The following AGTPBP1 variants were observed in gnomAD, a reference collection of about 807,000 sequenced individuals.
AGTPBP1 encodes the protein ATP/GTP binding carboxypeptidase 1.
AGTPBP1 carries 70 observed loss-of-function variants against 143.9 expected under a neutral mutation model. The ratio of observed to expected loss-of-function variants is 0.49; its 90% CI spans 0.40 to 0.59. The LOEUF is 0.59. Among genes scored for constraint, AGTPBP1 ranks in the 20% least tolerant of loss-of-function variants. The pLI is 0.00. For synonymous variants in AGTPBP1, 463 were observed against 500.2 expected (o/e 0.93, Z 0.99); for missense variants, 1,229 against 1,464.5 (o/e 0.84, Z 2.62).
chr9:85,572,692 C>G (rs180723246), intron 25 of AGTPBP1, among the ~76,000 whole-genome samples: 2 of 152,088 alleles, frequency 1.3e-5, no homozygotes, highest in African/African-American at 4.8e-5. Context: ...GCACCAGTAA[C>G]GGTCTGTTGA....
the AGTPBP1 span, among the ~76,000 whole-genome samples, chr9:85,794,017 C>G: frequency 6.6e-6 from 1 of 152,078 alleles, no homozygotes; most frequent in African/African-American, 2.4e-5. Context: ...ACTAAAAGCC[C>G]TATCCCTCAA....
At chr9:85,643,170 T>C (rs1466589912) in intron 12 of AGTPBP1, among the ~76,000 whole-genome samples, 1 of 152,180 alleles carries the variant, frequency 6.6e-6, no homozygotes, top group Non-Finnish European at 1.5e-5. Flanking sequence ...GTTACTCTAA[T>C]ATAACAGAGT....
At chr9:85,637,463 T>C (rs549049977) in intron 13 of AGTPBP1, among the ~76,000 whole-genome samples, 1 of 152,204 alleles carries the variant, frequency 6.6e-6, no homozygotes, top group Admixed American at 6.5e-5. Flanking sequence ...ATTTACAAAA[T>C]AAAATACTAT....
intron 25 of AGTPBP1, among the ~76,000 whole-genome samples, chr9:85,573,348 C>T (rs1248725800): frequency 6.6e-6 from 1 of 152,208 alleles, no homozygotes; most frequent in African/African-American, 2.4e-5. Flanking sequence ...GCGAGTGATC[C>T]GCCAGCCTTG....
At chr9:85,657,084 G>A (rs959845259) in intron 10 of AGTPBP1, among the ~76,000 whole-genome samples, 4 of 151,404 alleles carry the variant, frequency 2.6e-5, no homozygotes, top group Non-Finnish European at 5.9e-5. Context: ...AATGCTAGAT[G>A]ACGAGTTAGT....
chr9:85,773,719 C>A, the AGTPBP1 span: 2 of 633,278 alleles, frequency 3.2e-6, no homozygotes. Context: ...CAATACCTGG[C>A]AGGAATCATT....
rs758082233 is a variant in AGTPBP1 at position 85,697,445 on chromosome 9, G to GTTTT, written c.33-4636_33-4633dup. 7.4e-3 allele frequency among the ~76,000 whole-genome samples: 484 copies of GTTTT among 65,082 alleles called. 17 individuals carry two copies. The highest frequency in any genetic ancestry group is 0.014 in the East Asian group (25 of 1,840). 42.7% of individuals were successfully genotyped at this position (65,082 alleles called of 152,430 possible). ...AATTATGGGTCTTAATTTGTTTTTT[G>GTTTT]TTTTTTTTTTTTTTTTTTTTTTTTT... is the stretch of plus-strand genomic sequence containing the variant. On this transcript the variant is annotated intron_variant, in intron 2 of 25. Coordinates refer to ENST00000357081, the MANE Select transcript of AGTPBP1 (RefSeq NM_001330701.2).
chr9:85,642,311 A>G (rs1003475877), intron 13 of AGTPBP1, among the ~76,000 whole-genome samples: 4 of 152,072 alleles, frequency 2.6e-5, no homozygotes, highest in Non-Finnish European at 5.9e-5. Context: ...CTAAAGTGAC[A>G]AAAAATGTAA....
At chr9:85,694,970 A>T (rs1836132613) in intron 2 of AGTPBP1, among the ~76,000 whole-genome samples, 1 of 152,030 alleles carries the variant, frequency 6.6e-6, no homozygotes, top group Non-Finnish European at 1.5e-5. Flanking sequence ...CTATCTCAAA[A>T]CATCTCAAAT....
chr9:85,623,238 T>C (rs989340072), intron 14 of AGTPBP1, among the ~76,000 whole-genome samples: 1 of 151,976 alleles, frequency 6.6e-6, no homozygotes, highest in African/African-American at 2.4e-5. Context: ...CTTGGACTTG[T>C]TTGGGAGATG....
the AGTPBP1 span, among the ~76,000 whole-genome samples, chr9:85,787,317 G>A: frequency 2.0e-5 from 3 of 152,046 alleles, no homozygotes; most frequent in East Asian, 1.9e-4. Flanking sequence ...CATGGAACAC[G>A]GAAATTATAG....
At chr9:85,644,437 A>AT (rs1261624687) in intron 12 of AGTPBP1, among the ~76,000 whole-genome samples, 1 of 151,706 alleles carries the variant, frequency 6.6e-6, no homozygotes, top group East Asian at 1.9e-4. Context: ...GGAGAGGAAA[A>AT]AAAAAAAAAA....
At chr9:85,785,924 A>T in the AGTPBP1 span, 1 of 509,924 alleles carries the variant, frequency 2.0e-6, no homozygotes, top group Non-Finnish European at 3.4e-6. Context: ...CCTGTAAGTG[A>T]AATAAAAATA....
At chr9:85,801,562 A>G in the AGTPBP1 span, among the ~76,000 whole-genome samples, 1 of 152,170 alleles carries the variant, frequency 6.6e-6, no homozygotes, top group African/African-American at 2.4e-5. Flanking sequence ...AGAGTAGTCT[A>G]TGACAAGTTT....
chr9:85,556,473 C>T (rs996921338), intron 25 of AGTPBP1, among the ~76,000 whole-genome samples: 1 of 152,180 alleles, frequency 6.6e-6, no homozygotes, highest in East Asian at 1.9e-4. Context: ...CAGTAACTTA[C>T]AAGCTCAGTT....
chr9:85,621,338 T>C (rs1830922323), intron 14 of AGTPBP1, 53 bp from the exon 15 acceptor site: 2 of 864,024 alleles, frequency 2.3e-6, no homozygotes, highest in Non-Finnish European at 3.3e-6. Flanking sequence ...AATGTACAAC[T>C]TTCTCCAAAG....
chr9:85,780,960 C>CA, the AGTPBP1 span, among the ~76,000 whole-genome samples: 1 of 151,824 alleles, frequency 6.6e-6, no homozygotes, highest in East Asian at 1.9e-4. Context: ...ACTAAAAATA[C>CA]AAAAAAATTA....
chr9:85,797,741 T>TG, the AGTPBP1 span, among the ~76,000 whole-genome samples: 1 of 151,836 alleles, frequency 6.6e-6, no homozygotes, highest in Non-Finnish European at 1.5e-5. Flanking sequence ...CACAAAAAAG[T>TG]ATGTTTTAAG....
intron 20 of AGTPBP1, 128 bp from the exon 21 acceptor site, chr9:85,588,606 T>C: frequency 1.1e-6 from 1 of 914,928 alleles, no homozygotes; most frequent in East Asian, 2.7e-5. Context: ...AACCCAATGG[T>C]GCATCCTACA....
Sources: allele counts gnomAD v4.1 joint callset (sites outside exome capture counted in the v4.1 genomes callset), GRCh38; gene constraint gnomAD v4.1.1; transcripts MANE v1.5; gene names NCBI Gene and HGNC (gene_info 2026-07-23, HGNC 2026-07-21).